Variants in VSTM5 observed in about 807,000 individuals in gnomAD.
VSTM5 encodes V-set and transmembrane domain-containing protein 5.
Under a neutral mutation model 20.3 loss-of-function variants are expected in VSTM5, and 21 were observed. The observed-to-expected ratio is 1.03, with a 90% CI of 0.73 to 1.49. The LOEUF (loss-of-function observed/expected upper bound fraction) is 1.49. Among genes scored for constraint, VSTM5 ranks in the 40% most tolerant of loss-of-function variants. VSTM5 has a pLI of 0.00. For synonymous variants in VSTM5, 100 were observed against 102.5 expected, an observed-to-expected ratio of 0.98 and a Z score of 0.14; for missense variants, 219 against 250.0, an observed-to-expected ratio of 0.88 and a Z score of 0.84.
At chr11:93,833,333 C>T (rs761686066) in intron 1 of VSTM5, among the ~76,000 whole-genome samples, 5 of 152,172 alleles carry the variant, frequency 3.3e-5, no homozygotes, top group African/African-American at 1.2e-4. Context: ...AATCCCAGCA[C>T]TTTGGGAGGC....
chr11:93,841,891 G>A (rs1039175557), intron 1 of VSTM5, among the ~76,000 whole-genome samples: 17 of 152,332 alleles, frequency 1.1e-4, no homozygotes, highest in African/African-American at 3.8e-4. Flanking sequence ...GAGGCAGTGT[G>A]TGTAGAACAG....
chr11:93,839,571 T>A (rs1415745180), intron 1 of VSTM5, among the ~76,000 whole-genome samples: 1 of 152,158 alleles, frequency 6.6e-6, no homozygotes, highest in East Asian at 1.9e-4. Flanking sequence ...GCACTCTCTA[T>A]GAGGTGCATT....
chr11:93,827,165 CCT>C (rs1565300140), intron 1 of VSTM5, among the ~76,000 whole-genome samples: 1 of 152,150 alleles, frequency 6.6e-6, no homozygotes, highest in Non-Finnish European at 1.5e-5. Context: ...GAGTGGATCA[CCT>C]GAGTTTGGGA....
At position 93,820,824 on chromosome 11, in the gene VSTM5, C is replaced by A. The variant is rs1944175769; in HGVS notation, c.478G>T (p.Ala160Ser). The part of the protein sequence containing the change: ...AVILAFLAAV[A>S]AVLISLMWVC... ...CACATGAGGCTGATTAATACTGCGG[C>A]CACAGCAGCGAGAAAAGCAAGGATG... The change falls in exon 3 of 4, where the codon GCC (alanine) becomes TCC (serine). Residue 160 changes from alanine to serine, a missense_variant. Coordinates refer to ENST00000409977, the MANE Select transcript of VSTM5 (RefSeq NM_001144871.2). 6.4e-7 allele frequency: 1 copy of A among 1,550,810 alleles called. No homozygotes were observed. The highest frequency in any genetic ancestry group is 1.4e-5 in the African/African-American group (1 of 73,024).
intron 1 of VSTM5, among the ~76,000 whole-genome samples, chr11:93,833,665 C>T (rs748555714): frequency 6.6e-6 from 1 of 152,212 alleles, no homozygotes; most frequent in Non-Finnish European, 1.5e-5. Flanking sequence ...CAACCTCTTG[C>T]CAAGAAAACA....
At chr11:93,828,344 T>C (rs1345515992) in intron 1 of VSTM5, among the ~76,000 whole-genome samples, 1 of 152,152 alleles carries the variant, frequency 6.6e-6, no homozygotes, top group Non-Finnish European at 1.5e-5. Context: ...CAGAAAGCTG[T>C]CAAGAGGAAA....
rs773353953 is a variant in VSTM5 at position 93,829,570 on chromosome 11, A to G, written c.92-8247T>C. Among the ~76,000 whole-genome samples, 87 of 151,918 alleles carry G rather than the reference A, an allele frequency of 5.7e-4. 1 individual carries two copies. The highest frequency in any genetic ancestry group is 8.8e-5 in the Non-Finnish European group (6 of 67,958). On this transcript the variant is annotated intron_variant, in intron 1 of 3. Transcript: ENST00000409977. ...AGAAATATTGAAGAGCAGAGAGAAA[A>G]CTCCAAGATATACCACTGTGTATTT...
chr11:93,833,132 G>C (rs770447254), intron 1 of VSTM5, among the ~76,000 whole-genome samples: 1 of 152,208 alleles, frequency 6.6e-6, no homozygotes, highest in South Asian at 2.1e-4. Context: ...ATGTTATACA[G>C]AATATAAAAC....
chr11:93,833,942 A>T (rs1422146333), intron 1 of VSTM5, among the ~76,000 whole-genome samples: 1 of 150,926 alleles, frequency 6.6e-6, no homozygotes, highest in Non-Finnish European at 1.5e-5. Context: ...CAGTCCTTCC[A>T]CTCTGACTCC....
chr11:93,835,672 A>T (rs1305729642), intron 1 of VSTM5, among the ~76,000 whole-genome samples: 2 of 152,220 alleles, frequency 1.3e-5, no homozygotes, highest in Admixed American at 1.3e-4. Flanking sequence ...TTTGAGTATC[A>T]GAATTATTAA....
intron 1 of VSTM5, among the ~76,000 whole-genome samples, chr11:93,837,694 C>T (rs899523315): frequency 1.3e-5 from 2 of 152,066 alleles, no homozygotes; most frequent in African/African-American, 4.8e-5. Context: ...ATGCCGAATG[C>T]TTAGCACAGT....
At position 93,821,167 on chromosome 11, in the gene VSTM5, G is replaced by C. The variant is rs1159636735; in HGVS notation, c.248C>G (p.Pro83Arg). The C allele has an allele frequency of 6.4e-7, 1 of 1,552,190 alleles. No homozygotes were observed. The highest frequency in any genetic ancestry group is 1.2e-5 in the South Asian group (1 of 84,066). Reference sequence around the variant, plus strand: ...TTGAGAGATGTTGGCCTGAGTCCCTGGTTTCCACTCCACGATCTTCTGCGT... The same window carrying C: ...TTGAGAGATGTTGGCCTGAGTCCCTCGTTTCCACTCCACGATCTTCTGCGT... ...WGTQKIVEWK[P>R]GTQANISQSH... Residue 83 changes from proline to arginine, a missense_variant, in exon 2 of 4, where the codon CCA becomes CGA. Pro to Arg is a moderately radical substitution (Grantham distance 103). Coordinates refer to ENST00000409977, the MANE Select transcript of VSTM5 (RefSeq NM_001144871.2).
intron 1 of VSTM5, among the ~76,000 whole-genome samples, chr11:93,825,775 G>A (rs1453240514): frequency 2.6e-5 from 3 of 116,396 alleles, no homozygotes; most frequent in Admixed American, 8.5e-5. Flanking sequence ...TTCTTTTTTT[G>A]TTGTTGTTAT....
In VSTM5 at chr11:93,820,493, A is replaced by T. The variant is rs1393235282; in HGVS notation, c.*76T>A. 8 of 1,493,044 alleles carry T rather than the reference A, an allele frequency of 5.4e-6. No homozygotes were observed. Among genetic ancestry groups the T allele is most frequent in the Non-Finnish European group, 7.3e-6 (8 of 1,096,542 alleles). The allele number at this position is 1,493,044 out of a possible 1,614,324, so 92.5% of individuals were successfully genotyped here. On this transcript the variant is annotated 3_prime_UTR_variant, in exon 4 of 4. Transcript: ENST00000409977. ...TGCAACAGGACCACACACAATGGGT[A>T]TAATAGCTGTGCTTGCTCTTTTTGT...
chr11:93,818,868 A>C lies in VSTM5; in HGVS notation c.*1701T>G, dbSNP rs1314871459. 1 of 152,314 alleles carries C rather than the reference A, an allele frequency of 6.6e-6. No individual in the cohort carries two copies. The highest frequency in any genetic ancestry group is 2.4e-5 in the African/African-American group (1 of 41,444). 9.4% of individuals were successfully genotyped at this position (152,314 alleles called of 1,614,324 possible). A position where few individuals can be genotyped will look rare whatever the true frequency, so the allele number is the denominator to read the frequency against. ...CCTCCGACTGCTGCGTGGGGATAGGACATAGTGTGTGAGTTTACCCGTGTG... is the reference window on the plus strand; with the variant it reads ...CCTCCGACTGCTGCGTGGGGATAGGCCATAGTGTGTGAGTTTACCCGTGTG... On this transcript the variant is annotated 3_prime_UTR_variant, in exon 4 of 4. Coordinates refer to ENST00000409977, the MANE Select transcript of VSTM5 (RefSeq NM_001144871.2).
rs144703203 is a variant in VSTM5 at position 93,833,945 on chromosome 11, C to G, written c.92-12622G>C. On this transcript the variant is annotated intron_variant, in intron 1 of 3. Coordinates refer to ENST00000409977, the MANE Select transcript of VSTM5 (RefSeq NM_001144871.2). ...CCTTGGCCTCATCAGTCCTTCCACT[C>G]TGACTCCCTCTACTTTTCCCAATCC... 9.2e-5 allele frequency among the ~76,000 whole-genome samples: 14 copies of G among 152,194 alleles called. No homozygotes were observed. In the East Asian group the frequency reaches 1.8e-3, roughly 19 times the overall value.
chr11:93,839,944 C>CG (rs1030141556), intron 1 of VSTM5, among the ~76,000 whole-genome samples: 12 of 152,100 alleles, frequency 7.9e-5, no homozygotes, highest in African/African-American at 2.9e-4. Context: ...CATACATGCA[C>CG]GTGGAGTGAG....
Position 93,820,316 on chromosome 11 carries a change from T to C in VSTM5, c.*253A>G, listed in dbSNP as rs767122997. ...TGGTTATGTGTCAGCACGGCCCTGA[T>C]GCTGCAGCCAAGCGAAGCTCCTGGT... is the stretch of plus-strand genomic sequence containing the variant. On this transcript the variant is annotated 3_prime_UTR_variant, in exon 4 of 4. Transcript: ENST00000409977. 1.4e-5 allele frequency: 7 copies of C among 515,344 alleles called. No homozygotes were observed. The highest frequency in any genetic ancestry group is 1.0e-4 in the South Asian group (5 of 48,222). The allele number at this position is 515,344 out of a possible 1,614,324, so 31.9% of individuals were successfully genotyped here.
chr11:93,832,320 T>C (rs1309633773), intron 1 of VSTM5, among the ~76,000 whole-genome samples: 2 of 152,226 alleles, frequency 1.3e-5, no homozygotes, highest in Admixed American at 1.3e-4. Flanking sequence ...AGAGAATGAT[T>C]CCACTTAAAT....
Sources: gnomAD v4.1 joint callset for allele counts (sites outside exome capture counted in the v4.1 genomes callset) on GRCh38, gnomAD v4.1.1 for gene constraint, MANE v1.5 for transcripts, NCBI Gene and HGNC (gene_info 2026-07-23, HGNC 2026-07-21) for gene names.